Variants in SOX5 observed in about 807,000 individuals in gnomAD.
SOX5 encodes the protein SRY-box transcription factor 5.
A neutral mutation model predicts 92.0 loss-of-function variants in SOX5; 9 were observed. The ratio of observed to expected loss-of-function variants is 0.10; its 90% confidence interval spans 0.06 to 0.17. The LOEUF is 0.17. SOX5 is among the 10% of genes least tolerant of loss of function. SOX5 has a pLI of 1.00. For missense variants in SOX5, 642 were observed against 944.5 expected (o/e 0.68, Z 4.20); for synonymous variants, 344 against 336.3 (o/e 1.02, Z -0.25).
chr12:24,065,121 C>A (rs80235076), intron 4 of SOX5, among the ~76,000 whole-genome samples: 1 of 152,012 alleles, frequency 6.6e-6, no homozygotes, highest in Non-Finnish European at 1.5e-5. Flanking sequence ...TAGGGATGTG[C>A]GGATGTGTAA....
At chr12:24,244,341 A>T (rs1287884885) in intron 3 of SOX5, among the ~76,000 whole-genome samples, 2 of 152,224 alleles carry the variant, frequency 1.3e-5, no homozygotes, top group Non-Finnish European at 2.9e-5. Context: ...AAATGCAGGC[A>T]GTTATGTACC....
chr12:24,131,567 A>C (rs1393091810), intron 4 of SOX5, among the ~76,000 whole-genome samples: 1 of 152,224 alleles, frequency 6.6e-6, no homozygotes, highest in African/African-American at 2.4e-5. Flanking sequence ...CTAAACTAAC[A>C]CTTTAAATAT....
At chr12:23,789,430 G>A (rs1399483021) in intron 3 of SOX5, among the ~76,000 whole-genome samples, 3 of 151,958 alleles carry the variant, frequency 2.0e-5, no homozygotes, top group African/African-American at 4.8e-5. Context: ...AATGTGATCC[G>A]AAGGAGAGTG....
chr12:23,839,209 T>G (rs1181908206), intron 3 of SOX5, among the ~76,000 whole-genome samples: 3 of 152,034 alleles, frequency 2.0e-5, no homozygotes, highest in Non-Finnish European at 4.4e-5. Flanking sequence ...CTATCTCCTG[T>G]GCTCTTTCCT....
chr12:23,821,537 T>C (rs1209496943), intron 3 of SOX5, among the ~76,000 whole-genome samples: 1 of 152,222 alleles, frequency 6.6e-6, no homozygotes, highest in East Asian at 1.9e-4. Context: ...CTTTTGCCCA[T>C]TCAGTATATG....
intron 4 of SOX5, among the ~76,000 whole-genome samples, chr12:23,999,177 T>TGTGTGCGC (rs1569452779): frequency 1.4e-5 from 2 of 139,890 alleles, no homozygotes; most frequent in African/African-American, 5.6e-5. Context: ...TGTGTGTGTG[T>TGTGTGCGC]ACCATTGCTT....
At chr12:23,823,211 T>C (rs1427743820) in intron 3 of SOX5, among the ~76,000 whole-genome samples, 1 of 152,182 alleles carries the variant, frequency 6.6e-6, no homozygotes, top group Non-Finnish European at 1.5e-5. Flanking sequence ...TTCATAGTGT[T>C]GAAGATCTTT....
intron 1 of SOX5, among the ~76,000 whole-genome samples, chr12:24,503,021 G>A (rs1005879252): frequency 6.6e-6 from 1 of 152,200 alleles, no homozygotes; most frequent in Non-Finnish European, 1.5e-5. Flanking sequence ...AGATGCAACA[G>A]CTAAATGCAC....
chr12:24,304,922 T>G (rs1048132812), intron 2 of SOX5, among the ~76,000 whole-genome samples: 3 of 152,134 alleles, frequency 2.0e-5, no homozygotes, highest in African/African-American at 7.2e-5. Context: ...CTGACTTACT[T>G]CAGTTCCTCA....
At chr12:23,977,357 A>G (rs1258013035) in intron 4 of SOX5, among the ~76,000 whole-genome samples, 1 of 152,116 alleles carries the variant, frequency 6.6e-6, no homozygotes, top group Non-Finnish European at 1.5e-5. Context: ...AAGTCTGAGG[A>G]AACAGAAAAA....
At chr12:24,097,719 T>A (rs529439527) in intron 4 of SOX5, among the ~76,000 whole-genome samples, 1 of 152,254 alleles carries the variant, frequency 6.6e-6, no homozygotes, top group South Asian at 2.1e-4. Flanking sequence ...TACATAAATG[T>A]TTTACCTTCA....
chr12:23,533,322 T>TCTC lies in SOX5; in HGVS notation c.*896_*897insGAG, dbSNP rs1491283394. 1 of 346,716 alleles carries TCTC rather than the reference T, an allele frequency of 2.9e-6. No homozygotes were observed. The highest frequency in any genetic ancestry group is 6.1e-6 in the Non-Finnish European group (1 of 165,024). The allele number at this position is 346,716 out of a possible 1,614,324, so 21.5% of individuals were successfully genotyped here. A position where few individuals can be genotyped will look rare whatever the true frequency, so the allele number is the denominator to read the frequency against. On this transcript the variant is annotated 3_prime_UTR_variant, in exon 15 of 15. Coordinates refer to ENST00000451604, the MANE Select transcript of SOX5 (RefSeq NM_006940.6). ...TCTTATGTCTCTCTCTCTCTCTCTC[T>TCTC]TTTCACCTGAGAACAGCACCTACAG...
At chr12:23,964,257 T>A (rs1279724236) in intron 4 of SOX5, among the ~76,000 whole-genome samples, 1 of 152,174 alleles carries the variant, frequency 6.6e-6, no homozygotes, top group East Asian at 1.9e-4. Context: ...TCGTTGTAAT[T>A]ATCACAAGTT....
At chr12:23,764,689 A>G (rs1209831714) in intron 3 of SOX5, among the ~76,000 whole-genome samples, 1 of 152,126 alleles carries the variant, frequency 6.6e-6, no homozygotes, top group Non-Finnish European at 1.5e-5. Flanking sequence ...TATTTGCAGA[A>G]TTTTGTTATT....
rs1949001519 is a variant in SOX5 at position 23,575,697 on chromosome 12, C to T, written c.1306G>A (p.Ala436Thr). Residue 436 changes from alanine (A) to threonine (T), a missense_variant, in exon 10 of 15, where the codon GCG (alanine) becomes ACG (threonine). Ala to Thr is a moderately conservative substitution (Grantham distance 58). Coordinates refer to ENST00000451604, the MANE Select transcript of SOX5 (RefSeq NM_006940.6). ...AGPLKASVPA[A>T]LASPSARVST... ...ACTCTGGCTGAAGGACTAGCTAACG[C>T]TGCTGGGACAGAGGCTTTGAGGGGG... The T allele has an allele frequency of 1.9e-6, 3 of 1,614,186 alleles. No individual in the cohort carries two copies. Among genetic ancestry groups the T allele is most frequent in the African/African-American group, 2.7e-5 (2 of 75,056 alleles).
intron 1 of SOX5, among the ~76,000 whole-genome samples, chr12:24,497,884 T>C (rs1947806503): frequency 6.6e-6 from 1 of 152,140 alleles, no homozygotes; most frequent in Non-Finnish European, 1.5e-5. Context: ...AAGAATGAGA[T>C]CATATCCTCT....
intron 6 of SOX5, among the ~76,000 whole-genome samples, chr12:23,726,176 G>GAGAGAGAGAGAGAGA (rs1555294880): frequency 1.4e-5 from 1 of 73,030 alleles, no homozygotes; most frequent in Non-Finnish European, 3.0e-5. Flanking sequence ...AGAGAGAGAG[G>GAGAGAGAGAGAGAGA]TCAGTTTCTC....
chr12:23,882,390 G>C (rs2097003697), intron 2 of SOX5, among the ~76,000 whole-genome samples: 1 of 151,446 alleles, frequency 6.6e-6, no homozygotes, highest in African/African-American at 2.4e-5. Flanking sequence ...AAAAACCACG[G>C]TAATAAACAC....
chr12:23,546,507 C>T (rs1253500801), intron 11 of SOX5, 83 bp from the exon 12 acceptor site: 17 of 744,576 alleles, frequency 2.3e-5, no homozygotes, highest in Non-Finnish European at 3.7e-5. Flanking sequence ...ATATATAATA[C>T]ATTAACTCCT....
Sources: allele counts gnomAD v4.1 joint callset (sites outside exome capture counted in the v4.1 genomes callset), GRCh38; gene constraint gnomAD v4.1.1; transcripts MANE v1.5; gene names NCBI Gene and HGNC (gene_info 2026-07-23, HGNC 2026-07-21).